The following LMOD2 variants were observed in gnomAD, a reference collection of about 807,000 sequenced individuals.
LMOD2 encodes leiomodin 2.
In LMOD2, 27 loss-of-function variants were observed where a neutral mutation model predicts 41.7. The observed-to-expected ratio is 0.65, with a 90% CI of 0.48 to 0.89. The LOEUF is 0.89. Ranked by LOEUF, LMOD2 falls within the 40% of genes least tolerant of loss-of-function variation. LMOD2 has a pLI of 0.00. For synonymous variants in LMOD2, 251 were observed against 244.6 expected (o/e 1.03, Z -0.25); for missense variants, 624 against 667.9 (o/e 0.93, Z 0.72).
In LMOD2 at chr7:123,655,870, G is replaced by T. The variant is rs1219617182; in HGVS notation, c.-94G>T. The T allele has an allele frequency of 2.5e-6, 3 of 1,182,930 alleles. No individual in the cohort carries two copies. In the African/African-American group the frequency reaches 4.6e-5, roughly 18 times the overall value. 73.3% of individuals were successfully genotyped at this position (1,182,930 alleles called of 1,614,324 possible). ...CCCACAGCCACTCCTAGCACCAGTTGTTGACCAGCCTGCCACTTGCCTCCC... is the reference window on the plus strand; with the variant it reads ...CCCACAGCCACTCCTAGCACCAGTTTTTGACCAGCCTGCCACTTGCCTCCC... On this transcript the variant is annotated 5_prime_UTR_variant, in exon 1 of 3. Coordinates refer to ENST00000458573, the MANE Select transcript of LMOD2 (RefSeq NM_207163.3).
At chr7:123,656,888 C>A (rs1279864927) in intron 1 of LMOD2, among the ~76,000 whole-genome samples, 1 of 152,078 alleles carries the variant, frequency 6.6e-6, no homozygotes, top group African/African-American at 2.4e-5. Context: ...GAATCAAGAA[C>A]CCCTTTGAGA....
At chr7:123,660,323 T>TCG (rs1554401436) in intron 1 of LMOD2, among the ~76,000 whole-genome samples, 1 of 147,358 alleles carries the variant, frequency 6.8e-6, no homozygotes, top group Non-Finnish European at 1.5e-5. Flanking sequence ...TCTCTCTCTC[T>TCG]CACACACACA....
chr7:123,662,922 C>A lies in LMOD2; in HGVS notation c.1336C>A (p.Pro446Thr), dbSNP rs1008150711. 2.6e-6 allele frequency: 4 copies of A among 1,555,840 alleles called. No individual in the cohort carries two copies. The highest frequency in any genetic ancestry group is 4.9e-5 in the East Asian group (2 of 41,102). Reference sequence around the variant, plus strand: ...GCTGCCACCACCTCCTCCTCCTCCCCCTCCTCCACTCCCAGAGAAAAAGCT... The same window carrying A: ...GCTGCCACCACCTCCTCCTCCTCCCACTCCTCCACTCCCAGAGAAAAAGCT... Reference protein sequence around the residue: ...QRLPPPPPPPPPPLPEKKLIT... With the variant: ...QRLPPPPPPPTPPLPEKKLIT... The change falls in exon 2 of 3, where the codon CCT (proline) becomes ACT (threonine). Residue 446 changes from proline to threonine, a missense_variant. Physicochemically the swap from Pro to Thr is conservative, Grantham distance 38. Coordinates refer to ENST00000458573, the MANE Select transcript of LMOD2 (RefSeq NM_207163.3). The surrounding 1 kb of genome is among the most constrained non-coding windows in gnomAD (Gnocchi z 4.0).
At position 123,664,238 on chromosome 7, in the gene LMOD2, T is replaced by A. The variant is rs1584845181; in HGVS notation, c.*493T>A. On this transcript the variant is annotated 3_prime_UTR_variant, in exon 3 of 3. Transcript: ENST00000458573. Reference sequence around the variant, plus strand: ...TGTGAGTTAATACATCTGTCAGGTGTGTATGTAACATTACTGGACATTAAA... The same window carrying A: ...TGTGAGTTAATACATCTGTCAGGTGAGTATGTAACATTACTGGACATTAAA... 1 of 153,658 alleles carries A rather than the reference T, an allele frequency of 6.5e-6. No individual in the cohort carries two copies. The highest frequency in any genetic ancestry group is 2.4e-5 in the African/African-American group (1 of 41,442). 9.5% of individuals were successfully genotyped at this position (153,658 alleles called of 1,614,324 possible).
Position 123,661,893 on chromosome 7 carries a change from C to T in LMOD2, c.307C>T (p.Leu103Phe). 6.5e-7 allele frequency: 1 copy of T among 1,543,156 alleles called. No homozygotes were observed. Among genetic ancestry groups the T allele is most frequent in the Non-Finnish European group, 8.7e-7 (1 of 1,143,596 alleles). ...AGACAAAGAGGAAAGTGAAGAAGAG[C>T]TTATCTTTACTGAAAGTAACAGTGA... ...AEDKEESEEE[L>F]IFTESNSEVS... Residue 103 changes from leucine to phenylalanine, a missense_variant, in exon 2 of 3, where the codon CTT becomes TTT. Coordinates refer to ENST00000458573, the MANE Select transcript of LMOD2 (RefSeq NM_207163.3).
chr7:123,663,512 A>G (rs1802925630), intron 2 of LMOD2: 1 of 608,346 alleles, frequency 1.6e-6, no homozygotes, highest in Non-Finnish European at 2.9e-6. Context: ...AAAAGGATTC[A>G]CCACTTGTCA....
chr7:123,661,992 G>A lies in LMOD2; in HGVS notation c.406G>A (p.Glu136Lys), dbSNP rs868256797. 5.8e-6 allele frequency: 9 copies of A among 1,561,594 alleles called. No homozygotes were observed. Among genetic ancestry groups the A allele is most frequent in the South Asian group, 1.2e-5 (1 of 84,784 alleles). The part of the protein sequence containing the change: ...QEEEEEEDSD[E>K]EERTIETAKG... ...GGAAGAGGAGGAAGAAGACAGTGAC[G>A]AAGAGGAAAGAACAATTGAAACTGC... The change falls in exon 2 of 3, where the codon GAA becomes AAA. Residue 136 changes from glutamate (E) to lysine (K), a missense_variant. By Grantham distance (56) the Glu-to-Lys change is moderately conservative (BLOSUM62 1). Transcript: ENST00000458573.
rs1327928391 is a variant in LMOD2, at chr7:123,663,283, C to T, written c.1617+80C>T. 5 of 1,452,064 alleles carry T rather than the reference C, an allele frequency of 3.4e-6. No individual in the cohort carries two copies. In the South Asian group the frequency reaches 4.2e-5, roughly 12 times the overall value. 89.9% of individuals were successfully genotyped at this position (1,452,064 alleles called of 1,614,324 possible). The stretch of plus-strand genomic sequence containing the variant: ...CCATTGCATGGTGGTACCAAAGTCA[C>T]CTCTCACAATACTTATCAATACTTT... On this transcript the variant is annotated intron_variant, in intron 2 of 2. Coordinates refer to ENST00000458573, the MANE Select transcript of LMOD2 (RefSeq NM_207163.3).
chr7:123,660,407 G>A (rs1802858280), intron 1 of LMOD2, among the ~76,000 whole-genome samples: 1 of 151,324 alleles, frequency 6.6e-6, no homozygotes, highest in African/African-American at 2.4e-5. Context: ...AATTAAGACT[G>A]GAAAAGTCAT....
At chr7:123,656,794 C>T (rs528388192) in intron 1 of LMOD2, among the ~76,000 whole-genome samples, 3 of 152,258 alleles carry the variant, frequency 2.0e-5, no homozygotes, top group Admixed American at 2.0e-4. Flanking sequence ...TCTGTTCCCA[C>T]ATCTTTAGAC....
chr7:123,662,123 C>A lies in LMOD2; in HGVS notation c.537C>A (p.Ser179Arg). Residue 179 changes from serine to arginine, a missense_variant, in exon 2 of 3, where the codon AGC becomes AGA. Transcript: ENST00000458573. The surrounding 1 kb of genome is among the most constrained non-coding windows in gnomAD (Gnocchi z 4.0). ...QIENINLTNG[S>R]NGRNTESPAA... is the part of the protein sequence containing the mutation. ...AGAACATAAATTTGACCAATGGCAGCAATGGGAGGAACACAGAGTCCCCAG... is the reference window on the plus strand; with the variant it reads ...AGAACATAAATTTGACCAATGGCAGAAATGGGAGGAACACAGAGTCCCCAG... The A allele has an allele frequency of 1.9e-6, 3 of 1,613,090 alleles. No homozygotes were observed. Among genetic ancestry groups the A allele is most frequent in the Non-Finnish European group, 2.5e-6 (3 of 1,179,478 alleles).
chr7:123,662,792 A>G lies in LMOD2; in HGVS notation c.1206A>G (p.Lys402=). 1.2e-6 allele frequency: 2 copies of G among 1,612,344 alleles called. No individual in the cohort carries two copies. Residue 402 remains lysine, a synonymous_variant, in exon 2 of 3, where the codon AAA becomes AAG. Coordinates refer to ENST00000458573, the MANE Select transcript of LMOD2 (RefSeq NM_207163.3). This position sits in a 1 kb window ranked among gnomAD's most constrained non-coding sequence, Gnocchi z 4.0. Reference sequence around the variant, plus strand: ...GGCACTCACCCTGGTCATCCCCAAAACTCCCCAAAAAAGTCCAGACTGTGA... The same window carrying G: ...GGCACTCACCCTGGTCATCCCCAAAGCTCCCCAAAAAAGTCCAGACTGTGA... ...SPRHSPWSSP[K]LPKKVQTVRS...
Position 123,663,066 on chromosome 7 carries a change from A to G in LMOD2, c.1480A>G (p.Lys494Glu). ...KVKKQPNSIL[K>E]EIKNSLRSVQ... ...CAAGAAACAGCCAAACAGTATTCTA[A>G]AGGAAATAAAAAATTCTCTGAGGTC... Residue 494 changes from lysine (K) to glutamate (E), a missense_variant, in exon 2 of 3, where the codon AAG becomes GAG. Coordinates refer to ENST00000458573, the MANE Select transcript of LMOD2 (RefSeq NM_207163.3). 6.4e-7 allele frequency: 1 copy of G among 1,558,028 alleles called. No homozygotes were observed.
intron 2 of LMOD2, chr7:123,663,440 A>G (rs1244223435): frequency 1.6e-6 from 1 of 613,650 alleles, no homozygotes; most frequent in Non-Finnish European, 2.8e-6. Context: ...AAGGGCAAGG[A>G]CCATTTTCAT....
At chr7:123,659,947 A>T (rs960926094) in intron 1 of LMOD2, among the ~76,000 whole-genome samples, 1 of 152,150 alleles carries the variant, frequency 6.6e-6, no homozygotes, top group East Asian at 1.9e-4. Context: ...AACCAAAGGG[A>T]GTAAAATGTA....
At position 123,661,797 on chromosome 7, in the gene LMOD2, A is replaced by T. The variant is rs1802877385; in HGVS notation, c.274-63A>T. 4.4e-6 allele frequency: 5 copies of T among 1,147,280 alleles called. No individual in the cohort carries two copies. The East Asian group carries it at 7.8e-5, about 18-fold the overall frequency. 71.1% of individuals were successfully genotyped at this position (1,147,280 alleles called of 1,614,324 possible). On this transcript the variant is annotated intron_variant, in intron 1 of 2. Coordinates refer to ENST00000458573, the MANE Select transcript of LMOD2 (RefSeq NM_207163.3). ...TTGCCATGTGCTACTTTTGCAAGTT[A>T]AAAAATGTACTTAAAAATGGTATCA...
intron 1 of LMOD2, 38 bp from the exon 2 acceptor site, chr7:123,661,808 TTAAAAATGGTATCA>T: frequency 8.0e-7 from 1 of 1,248,540 alleles, no homozygotes; most frequent in Non-Finnish European, 1.1e-6. Context: ...AAAAATGTAC[TTAAAAATGGTATCA>T]TTTTTAAGAA....
Position 123,662,306 on chromosome 7 carries a change from T to C in LMOD2, c.720T>C (p.Thr240=). The change falls in exon 2 of 3, where the codon ACT becomes ACC. Residue 240 remains threonine, a synonymous_variant. Coordinates refer to ENST00000458573, the MANE Select transcript of LMOD2 (RefSeq NM_207163.3). The surrounding 1 kb of genome is among the most constrained non-coding windows in gnomAD (Gnocchi z 4.0). The part of the protein sequence containing the change: ...TRFAEALKDN[T]VVKTFSLANT... ...TTGCTGAAGCCCTCAAGGACAACAC[T>C]GTGGTGAAGACGTTCAGTCTGGCCA... 6.2e-7 allele frequency: 1 copy of C among 1,614,004 alleles called. No homozygotes were observed. The highest frequency in any genetic ancestry group is 8.5e-7 in the Non-Finnish European group (1 of 1,179,886).
chr7:123,663,100 A>G lies in LMOD2; in HGVS notation c.1514A>G (p.Glu505Gly). The change falls in exon 2 of 3, where the codon GAG becomes GGG. Residue 505 changes from glutamate (E) to glycine (G), a missense_variant. Transcript: ENST00000458573. ...EIKNSLRSVQ[E>G]KKMEDSSRPS... is the part of the protein sequence containing the mutation. ...AAAAATTCTCTGAGGTCAGTGCAAG[A>G]GAAGAAAATGGAAGACAGTTCCCGA... The G allele has an allele frequency of 6.4e-7, 1 of 1,562,840 alleles. No homozygotes were observed. Among genetic ancestry groups the G allele is most frequent in the Non-Finnish European group, 8.7e-7 (1 of 1,153,366 alleles).
Sources: allele counts gnomAD v4.1 joint callset (sites outside exome capture counted in the v4.1 genomes callset), GRCh38; gene constraint gnomAD v4.1.1; non-coding constraint Gnocchi (gnomAD v3.1); transcripts MANE v1.5; gene names NCBI Gene and HGNC (gene_info 2026-07-23, HGNC 2026-07-21).